Variants in PALM2AKAP2 observed in about 807,000 individuals in gnomAD.
PALM2AKAP2 encodes PALM2 and AKAP2 fusion, also known as PALM2-AKAP2 fusion protein.
PALM2AKAP2 carries 37 observed loss-of-function variants against 71.5 expected under a neutral mutation model. That is an observed-to-expected ratio of 0.52 (90% CI 0.40 to 0.68). The LOEUF (loss-of-function observed/expected upper bound fraction) is 0.68, where lower values mean the gene tolerates loss of function less well. PALM2AKAP2 is among the 30% of genes least tolerant of loss of function. The pLI is 0.00. For missense variants in PALM2AKAP2, 1,224 were observed against 1,191.8 expected (o/e 1.03, Z -0.40); for synonymous variants, 468 against 478.8 (o/e 0.98, Z 0.29).
rs370615826 is a variant in PALM2AKAP2 at position 110,082,336 on chromosome 9, C to T, written c.156+33481C>T. ...CTCCCAAAGTGCTGGGATTTACAGG[C>T]TTGAGCCACTGCACCCAGCCAAGCA... On this transcript the variant is annotated intron_variant, in intron 1 of 3. Coordinates refer to ENST00000374525, the Ensembl canonical transcript of PALM2AKAP2. 3.9e-5 allele frequency among the ~76,000 whole-genome samples: 6 copies of T among 152,294 alleles called. No homozygotes were observed. In the East Asian group the frequency reaches 1.2e-3, roughly 29 times the overall value.
chr9:110,147,670 G>C (rs937946181), intron 2 of PALM2AKAP2, among the ~76,000 whole-genome samples: 5 of 152,180 alleles, frequency 3.3e-5, no homozygotes, highest in Admixed American at 2.6e-4. Flanking sequence ...CTACTCAGGA[G>C]GCGAGGTGGG....
rs1232288020 is a variant in PALM2AKAP2 at position 109,773,142 on chromosome 9, C to CT, written c.6-7336dup. 5.2e-3 allele frequency among the ~76,000 whole-genome samples: 769 copies of CT among 148,860 alleles called. 9 individuals are homozygous for CT. Among genetic ancestry groups the CT allele is most frequent in the African/African-American group, 0.017 (707 of 40,708 alleles). ...CAAAAAAAAAAGAATGTTGCAAAGTCTTTTTTTTTTGATATGGGGTTCTCA... is the reference window on the plus strand; with the variant it reads ...CAAAAAAAAAAGAATGTTGCAAAGTCTTTTTTTTTTTGATATGGGGTTCTCA... On this transcript the variant is annotated intron_variant, in intron 1 of 6. Transcript: ENST00000374531.
At chr9:109,778,768 ATT>A (rs34459734), upstream of PALM2AKAP2, among the ~76,000 whole-genome samples, 3,583 of 141,450 alleles carry the variant, frequency 0.025, 56 homozygotes, top group Middle Eastern at 0.045. Flanking sequence ...TTTGATGTGC[ATT>A]TTTTTTTTTT....
intron 3 of PALM2AKAP2, among the ~76,000 whole-genome samples, chr9:109,890,845 G>A (rs919918100): frequency 2.0e-5 from 3 of 152,220 alleles, no homozygotes; most frequent in Admixed American, 2.0e-4. Flanking sequence ...TCCTGCAGAA[G>A]CATCTCCCAC....
intron 1 of PALM2AKAP2, among the ~76,000 whole-genome samples, chr9:109,827,766 G>A (rs1828193344): frequency 6.6e-6 from 1 of 152,002 alleles, no homozygotes; most frequent in South Asian, 2.1e-4. Context: ...AAGGAAACAG[G>A]ATTGTGAGGA....
intron 3 of PALM2AKAP2, among the ~76,000 whole-genome samples, chr9:109,923,012 T>G (rs932989): frequency 0.095 from 14,436 of 152,288 alleles, 1,271 homozygotes; most frequent in East Asian, 0.26. Flanking sequence ...CAGTAAATAC[T>G]GGTGGTAATT....
At chr9:110,119,110 C>T (rs929039820) in intron 1 of PALM2AKAP2, among the ~76,000 whole-genome samples, 12 of 151,854 alleles carry the variant, frequency 7.9e-5, no homozygotes, top group African/African-American at 9.7e-5. Flanking sequence ...TTTGGGAGGC[C>T]GAAGTGGGCA....
At position 109,908,316 on chromosome 9, in the gene PALM2AKAP2, T is replaced by C. The variant is rs1272032312; in HGVS notation, c.258-15419T>C. Among the ~76,000 whole-genome samples, 6 of 152,272 alleles carry C rather than the reference T, an allele frequency of 3.9e-5. No homozygotes were observed. In the East Asian group the frequency reaches 1.2e-3, roughly 29 times the overall value. On this transcript the variant is annotated intron_variant, in intron 3 of 9. Transcript: ENST00000302798. ...AAAAATCTACCCCAAAAAGAGGAAA[T>C]GCTGAAAACATTTGGATTGGGAGTG...
intron 1 of PALM2AKAP2, among the ~76,000 whole-genome samples, chr9:109,864,572 C>A (rs538338972): frequency 6.6e-5 from 10 of 152,296 alleles, no homozygotes; most frequent in African/African-American, 2.4e-4. Flanking sequence ...CACAGGTCAG[C>A]AAACTAGGAC....
At chr9:109,913,449 G>C (rs1588003793) in intron 3 of PALM2AKAP2, among the ~76,000 whole-genome samples, 1 of 152,164 alleles carries the variant, frequency 6.6e-6, no homozygotes, top group Non-Finnish European at 1.5e-5. Flanking sequence ...TGAGACTTTG[G>C]ATGTGGCAGA....
intron 3 of PALM2AKAP2, among the ~76,000 whole-genome samples, chr9:109,897,014 C>CA (rs1464251277): frequency 6.6e-6 from 1 of 151,958 alleles, no homozygotes; most frequent in Non-Finnish European, 1.5e-5. Context: ...TGCTAGGTAA[C>CA]AAATTATAGT....
At chr9:110,042,948 T>C (rs1215344628) in intron 7 of PALM2AKAP2, among the ~76,000 whole-genome samples, 1 of 152,198 alleles carries the variant, frequency 6.6e-6, no homozygotes, top group African/African-American at 2.4e-5. Context: ...TACAATTAAA[T>C]TATTTTTGAC....
chr9:110,109,104 G>A (rs1221297262), intron 1 of PALM2AKAP2, among the ~76,000 whole-genome samples: 2 of 152,016 alleles, frequency 1.3e-5, no homozygotes. Context: ...GATCACCTGA[G>A]GTCAGGAGTT....
rs533035869 is a variant in PALM2AKAP2, at chr9:109,733,256, A to G, written c.6-47232A>G. ...TATCTTCCCACTGGCTTGGTCAAAG[A>G]GGGTCGTTGGGGAGAAGAGAAGTGA... On this transcript the variant is annotated intron_variant, in intron 1 of 6. Transcript: ENST00000374531. 3.3e-5 allele frequency among the ~76,000 whole-genome samples: 5 copies of G among 152,310 alleles called. No individual in the cohort carries two copies. In the South Asian group the frequency reaches 1.0e-3, roughly 32 times the overall value.
upstream of PALM2AKAP2, among the ~76,000 whole-genome samples, chr9:109,779,401 A>G (rs1829397458): frequency 6.6e-6 from 1 of 152,182 alleles, no homozygotes; most frequent in African/African-American, 2.4e-5. Flanking sequence ...TGAACAGAAG[A>G]CCCTGAAAGG....
At chr9:110,067,488 G>A (rs764541917) in intron 1 of PALM2AKAP2, among the ~76,000 whole-genome samples, 3 of 152,162 alleles carry the variant, frequency 2.0e-5, no homozygotes, top group African/African-American at 4.8e-5. Context: ...GCAATTGAAT[G>A]CATTATTAGC....
At chr9:109,965,884 T>C (rs759376812) in intron 6 of PALM2AKAP2, among the ~76,000 whole-genome samples, 4 of 152,184 alleles carry the variant, frequency 2.6e-5, no homozygotes, top group Non-Finnish European at 4.4e-5. Context: ...CTAAAAGTAG[T>C]CAACGAAGGA....
chr9:109,749,611 A>G (rs1300356366), intron 1 of PALM2AKAP2, among the ~76,000 whole-genome samples: 1 of 152,090 alleles, frequency 6.6e-6, no homozygotes, highest in African/African-American at 2.4e-5. Context: ...AGCACCTACA[A>G]TTCTAGAATA....
chr9:110,111,170 C>A (rs967775911), intron 1 of PALM2AKAP2, among the ~76,000 whole-genome samples: 2 of 135,734 alleles, frequency 1.5e-5, no homozygotes, highest in Non-Finnish European at 3.0e-5. Flanking sequence ...CGGCTCACTG[C>A]AGTCTCAATG....
Sources: allele counts gnomAD v4.1 joint callset (sites outside exome capture counted in the v4.1 genomes callset), GRCh38; gene constraint gnomAD v4.1.1; transcripts MANE v1.5; gene names NCBI Gene and HGNC (gene_info 2026-07-23, HGNC 2026-07-21).